ADAM9: variants seen among roughly 807,000 people sequenced by gnomAD.
ADAM9 encodes ADAM metallopeptidase domain 9, also known as disintegrin and metalloproteinase domain-containing protein 9.
Under a neutral mutation model 108.1 loss-of-function variants are expected in ADAM9, and 54 were observed. The ratio of observed to expected loss-of-function variants is 0.50; its 90% CI spans 0.40 to 0.63. ADAM9 has a LOEUF of 0.63. ADAM9 is among the 20% of genes least tolerant of loss of function. ADAM9 has a pLI of 0.00. For synonymous variants in ADAM9, 316 were observed against 336.0 expected (o/e 0.94, Z 0.65); for missense variants, 830 against 997.7 (o/e 0.83, Z 2.26).
In ADAM9 at chr8:39,055,711, C is replaced by G. The variant is rs773746485; in HGVS notation, c.1530C>G (p.Ala510=). The part of the protein sequence containing the change: ...QNGYPCQNNK[A]YCYNGMCQYY... ...GATATCCTTGCCAGAATAACAAAGC[C>G]TATTGCTACAACGGCATGTGCCAGT... The change falls in exon 14 of 22, where the codon GCC becomes GCG. Residue 510 remains alanine, a synonymous_variant. Transcript: ENST00000487273. The G allele has an allele frequency of 3.3e-5, 53 of 1,613,548 alleles. No individual in the cohort carries two copies. In the East Asian group the frequency reaches 1.2e-3, roughly 36 times the overall value.
intron 11 of ADAM9, among the ~76,000 whole-genome samples, chr8:39,040,297 C>T (rs1030885511): frequency 6.6e-6 from 1 of 152,188 alleles, no homozygotes; most frequent in African/African-American, 2.4e-5. Flanking sequence ...GATCCGCCCG[C>T]CTCAGCCTCC....
intron 11 of ADAM9, among the ~76,000 whole-genome samples, chr8:39,034,075 T>C (rs1219923937): frequency 6.6e-6 from 1 of 152,186 alleles, no homozygotes; most frequent in East Asian, 1.9e-4. Context: ...TTTCACTTTG[T>C]AGAAATGGGT....
chr8:39,070,289 A>G (rs1326398155), intron 14 of ADAM9, among the ~76,000 whole-genome samples: 1 of 152,160 alleles, frequency 6.6e-6, no homozygotes, highest in Non-Finnish European at 1.5e-5. Flanking sequence ...TTAAACAGTC[A>G]ACAGTGTTAG....
chr8:39,039,147 A>G (rs1239237359), intron 11 of ADAM9, among the ~76,000 whole-genome samples: 1 of 152,186 alleles, frequency 6.6e-6, no homozygotes, highest in Non-Finnish European at 1.5e-5. Flanking sequence ...AGACCAAGCT[A>G]TAGATAGGGC....
At chr8:39,075,198 C>T (rs1368874192) in intron 15 of ADAM9, among the ~76,000 whole-genome samples, 2 of 152,080 alleles carry the variant, frequency 1.3e-5, no homozygotes, top group African/African-American at 2.4e-5. Flanking sequence ...TGAGCCACCG[C>T]GCCTGGCCCT....
intron 11 of ADAM9, among the ~76,000 whole-genome samples, chr8:39,041,146 T>A (rs981731187): frequency 1.3e-5 from 2 of 152,110 alleles, no homozygotes; most frequent in African/African-American, 4.8e-5. Flanking sequence ...GATGTATAGG[T>A]GTAATTTCCA....
chr8:39,100,424 C>T (rs1330434362), intron 20 of ADAM9, among the ~76,000 whole-genome samples: 1 of 149,806 alleles, frequency 6.7e-6, no homozygotes, highest in Non-Finnish European at 1.5e-5. Flanking sequence ...ACCTGGGAGG[C>T]GGAGCTTGCA....
intron 11 of ADAM9, among the ~76,000 whole-genome samples, chr8:39,039,350 T>TA (rs1837384343): frequency 6.6e-6 from 1 of 152,208 alleles, no homozygotes; most frequent in South Asian, 2.1e-4. Flanking sequence ...GTGAAATGGT[T>TA]AGTCAAGCAG....
intron 14 of ADAM9, among the ~76,000 whole-genome samples, chr8:39,070,122 T>C (rs1838632370): frequency 7.3e-6 from 1 of 137,186 alleles, no homozygotes; most frequent in Non-Finnish European, 1.5e-5. Flanking sequence ...CACTGCATTC[T>C]AGCCTGGGCA....
chr8:39,082,907 G>C, intron 17 of ADAM9, 61 bp from the exon 18 acceptor site: 1 of 1,466,768 alleles, frequency 6.8e-7, no homozygotes, highest in East Asian at 2.3e-5. Flanking sequence ...TTCCATTCTT[G>C]AGTTGATGAT....
chr8:39,087,566 G>A (rs1455048221), intron 18 of ADAM9, among the ~76,000 whole-genome samples: 2 of 152,144 alleles, frequency 1.3e-5, no homozygotes, highest in Admixed American at 6.5e-5. Flanking sequence ...TCCAATTGAA[G>A]AATCAATTGC....
Position 39,019,056 on chromosome 8 carries a change from C to A in ADAM9, c.672+138C>A. Reference sequence around the variant, plus strand: ...ATTTTAAAACTAAAATGGTTTTTTTCCCTTAAACTTTATACCACCAGAATA... The same window carrying A: ...ATTTTAAAACTAAAATGGTTTTTTTACCTTAAACTTTATACCACCAGAATA... On this transcript the variant is annotated intron_variant, in intron 7 of 21. Coordinates refer to ENST00000487273, the MANE Select transcript of ADAM9 (RefSeq NM_003816.3). 6 of 854,278 alleles carry A rather than the reference C, an allele frequency of 7.0e-6. No individual in the cohort carries two copies. In the South Asian group the frequency reaches 7.6e-5, roughly 11 times the overall value. The allele number at this position is 854,278 out of a possible 1,614,324, so 52.9% of individuals were successfully genotyped here.
At chr8:38,997,862 T>C (rs2129430427) in intron 1 of ADAM9, among the ~76,000 whole-genome samples, 1 of 152,356 alleles carries the variant, frequency 6.6e-6, no homozygotes, top group Non-Finnish European at 1.5e-5. Flanking sequence ...CCCTGCTCTT[T>C]TGAACTCACA....
rs1193563657 is a variant in ADAM9, at chr8:39,007,881, T to C, written c.98-5T>C. 2.5e-6 allele frequency: 4 copies of C among 1,601,366 alleles called. No individual in the cohort carries two copies. Among genetic ancestry groups the C allele is most frequent in the African/African-American group, 2.7e-5 (2 of 74,656 alleles). ...TTATTATATTTGTTTTTGCCTTTTC[T>C]GTAGGCTTTCAACAGACCTCACATC... On this transcript the variant is annotated splice_region_variant and splice_polypyrimidine_tract_variant and intron_variant, in intron 1 of 21. Transcript: ENST00000487273.
At chr8:39,095,594 G>A (rs1839478427) in intron 20 of ADAM9, among the ~76,000 whole-genome samples, 1 of 152,132 alleles carries the variant, frequency 6.6e-6, no homozygotes, top group South Asian at 2.1e-4. Context: ...TGAGAAGAAT[G>A]TGTATTCTGC....
At chr8:39,003,899 C>A (rs1412290072) in intron 1 of ADAM9, among the ~76,000 whole-genome samples, 3 of 151,748 alleles carry the variant, frequency 2.0e-5, no homozygotes, top group African/African-American at 7.3e-5. Flanking sequence ...GTATAATCTT[C>A]CTATATTTAG....
chr8:39,065,628 C>G (rs532656415), intron 14 of ADAM9, among the ~76,000 whole-genome samples: 105 of 129,200 alleles, frequency 8.1e-4, no homozygotes, highest in African/African-American at 3.0e-3. Flanking sequence ...CCATTGCACT[C>G]GAGTCTGGGC....
chr8:39,023,170 A>G lies in ADAM9; in HGVS notation c.759A>G (p.Leu253=). The part of the protein sequence containing the change: ...ANYLDSMYIM[L]NIRIVLVGLE... ...TTTCTTCCCAGATGTATATTATGTT[A>G]AATATTCGAATTGTGCTAGTTGGAC... The change falls in exon 9 of 22, where the codon TTA becomes TTG. Residue 253 remains leucine (L), a synonymous_variant. Transcript: ENST00000487273. The G allele has an allele frequency of 2.5e-6, 4 of 1,611,890 alleles. No homozygotes were observed. The highest frequency in any genetic ancestry group is 3.4e-6 in the Non-Finnish European group (4 of 1,178,402).
At chr8:39,050,844 T>G (rs1273812581) in intron 12 of ADAM9, among the ~76,000 whole-genome samples, 6 of 150,472 alleles carry the variant, frequency 4.0e-5, no homozygotes, top group East Asian at 1.9e-4. Context: ...TTTTTTTTTT[T>G]TTTTTTTTTT....
Sources: allele counts gnomAD v4.1 joint callset (sites outside exome capture counted in the v4.1 genomes callset), GRCh38; gene constraint gnomAD v4.1.1; transcripts MANE v1.5; gene names NCBI Gene and HGNC (gene_info 2026-07-23, HGNC 2026-07-21).